The following NFIB variants were observed in gnomAD, a reference collection of about 807,000 sequenced individuals.
NFIB encodes the protein nuclear factor I B.
NFIB carries 11 observed loss-of-function variants against 61.5 expected under a neutral mutation model. That is an observed-to-expected ratio of 0.18 (90% CI 0.11 to 0.30). NFIB has a LOEUF of 0.30. Among genes scored for constraint, NFIB ranks in the 10% least tolerant of loss-of-function variants. The pLI is 1.00. For synonymous variants in NFIB, 260 were observed against 216.5 expected, an observed-to-expected ratio of 1.20 and a Z score of -1.76; for missense variants, 471 against 608.9, an observed-to-expected ratio of 0.77 and a Z score of 2.38.
At chr9:14,290,620 C>A (rs1316241656) in intron 2 of NFIB, among the ~76,000 whole-genome samples, 1 of 152,036 alleles carries the variant, frequency 6.6e-6, no homozygotes, top group African/African-American at 2.4e-5. Context: ...AATACAGACC[C>A]TGTAATTCAC....
At chr9:14,471,958 T>C in the NFIB span, among the ~76,000 whole-genome samples, 8 of 152,252 alleles carry the variant, frequency 5.3e-5, no homozygotes, top group Non-Finnish European at 7.3e-5. Flanking sequence ...CTCCATTCTC[T>C]GCCTCCATCT....
chr9:14,367,526 C>T (rs934363781), intron 1 of NFIB, among the ~76,000 whole-genome samples: 50 of 152,084 alleles, frequency 3.3e-4, no homozygotes, highest in East Asian at 2.1e-3. Flanking sequence ...AACCTGTGTT[C>T]CTCCATGAAT....
At chr9:14,128,230 CA>C (rs2039940063) in intron 6 of NFIB, among the ~76,000 whole-genome samples, 1 of 152,078 alleles carries the variant, frequency 6.6e-6, no homozygotes, top group South Asian at 2.1e-4. Flanking sequence ...AATCACTTGC[CA>C]TTCCAAATTT....
At chr9:14,515,001 G>C in the NFIB span, among the ~76,000 whole-genome samples, 1 of 152,136 alleles carries the variant, frequency 6.6e-6, no homozygotes, top group Non-Finnish European at 1.5e-5. Context: ...CAGAATCTTA[G>C]CTATTAGCTT....
chr9:14,462,670 C>T, the NFIB span, among the ~76,000 whole-genome samples: 2 of 152,078 alleles, frequency 1.3e-5, no homozygotes, highest in South Asian at 2.1e-4. Context: ...ATTCTTATCT[C>T]TGGGTTTTAG....
At chr9:14,216,924 T>A (rs1189043659) in intron 2 of NFIB, among the ~76,000 whole-genome samples, 1 of 152,212 alleles carries the variant, frequency 6.6e-6, no homozygotes, top group Non-Finnish European at 1.5e-5. Flanking sequence ...ACTGAAAACT[T>A]TAAAAGCTAG....
the NFIB span, among the ~76,000 whole-genome samples, chr9:14,477,974 A>G: frequency 1.3e-4 from 20 of 152,006 alleles, no homozygotes; most frequent in African/African-American, 4.3e-4. Context: ...CCCCCATTCT[A>G]TGCCCTGAGG....
chr9:14,359,991 T>C (rs1054271920), intron 1 of NFIB, among the ~76,000 whole-genome samples: 36 of 152,190 alleles, frequency 2.4e-4, no homozygotes, highest in Non-Finnish European at 7.3e-5. Context: ...TAAGCCAAAT[T>C]CCTAACCAAT....
chr9:14,282,086 A>G (rs1588110622), intron 2 of NFIB, among the ~76,000 whole-genome samples: 1 of 152,232 alleles, frequency 6.6e-6, no homozygotes, highest in East Asian at 1.9e-4. Flanking sequence ...AGAATTGCAG[A>G]AATTTGATTC....
intron 2 of NFIB, among the ~76,000 whole-genome samples, chr9:14,263,558 C>G (rs892096382): frequency 4.6e-5 from 7 of 152,176 alleles, no homozygotes; most frequent in African/African-American, 1.7e-4. Flanking sequence ...AAGCCTGGCT[C>G]AAACCCTGTA....
chr9:14,531,702 A>G, the NFIB span, among the ~76,000 whole-genome samples: 1 of 147,736 alleles, frequency 6.8e-6, no homozygotes, highest in Non-Finnish European at 1.5e-5. Flanking sequence ...AAAAAAAAAA[A>G]GGGAACAAAA....
intron 2 of NFIB, among the ~76,000 whole-genome samples, chr9:14,294,404 A>T (rs960630474): frequency 6.6e-6 from 1 of 152,248 alleles, no homozygotes; most frequent in Non-Finnish European, 1.5e-5. Context: ...TCAACTTTAA[A>T]TCATAAGTGT....
chr9:14,212,140 G>C (rs990497847), intron 2 of NFIB, among the ~76,000 whole-genome samples: 1 of 152,180 alleles, frequency 6.6e-6, no homozygotes, highest in Non-Finnish European at 1.5e-5. Flanking sequence ...ATAAATCCCT[G>C]AGAAAGCCTA....
rs774886050 is a variant in NFIB, at chr9:14,307,290, C to T, written c.261G>A (p.Glu87=). The change falls in exon 2 of 11, where the codon GAG becomes GAA. Residue 87 remains glutamate (E), a synonymous_variant. Transcript: ENST00000380953. The surrounding 1 kb of genome is among the most constrained non-coding windows in gnomAD (Gnocchi z 5.3). Reference sequence around the variant, plus strand: ...CGGTGAGCACAAAGTCCTCTCGATACTCCTGGCGAATATCTTTGCGCAGTT... The same window carrying T: ...CGGTGAGCACAAAGTCCTCTCGATATTCCTGGCGAATATCTTTGCGCAGTT... ...LAKLRKDIRQ[E]YREDFVLTVT... 1.2e-6 allele frequency: 2 copies of T among 1,614,074 alleles called. No individual in the cohort carries two copies. The highest frequency in any genetic ancestry group is 1.7e-5 in the Admixed American group (1 of 60,026).
the NFIB span, among the ~76,000 whole-genome samples, chr9:14,474,983 G>C: frequency 6.6e-6 from 1 of 152,206 alleles, no homozygotes; most frequent in Admixed American, 6.5e-5. Flanking sequence ...ACCCACATCA[G>C]TGAGGGTGAT....
chr9:14,358,391 T>C (rs891836055), intron 1 of NFIB, among the ~76,000 whole-genome samples: 3 of 152,166 alleles, frequency 2.0e-5, no homozygotes, highest in Non-Finnish European at 4.4e-5. Flanking sequence ...AAAAGCCAGA[T>C]TTTATGGGCT....
chr9:14,246,972 T>C (rs1361374809), intron 2 of NFIB, among the ~76,000 whole-genome samples: 1 of 151,844 alleles, frequency 6.6e-6, no homozygotes, highest in Non-Finnish European at 1.5e-5. Context: ...CTGATCTCTC[T>C]CTCTCTCTCT....
chr9:14,222,204 A>G (rs1353746212), intron 2 of NFIB, among the ~76,000 whole-genome samples: 1 of 152,162 alleles, frequency 6.6e-6, no homozygotes, highest in African/African-American at 2.4e-5. Context: ...TCAAGAACAC[A>G]GCTTGGAACA....
At chr9:14,204,379 C>T in intron 2 of NFIB, 3 of 1,045,424 alleles carry the variant, frequency 2.9e-6, no homozygotes, top group South Asian at 2.6e-5. Context: ...TTAGACAGGA[C>T]ATCCAGCCCA....
Sources: gnomAD v4.1 joint callset for allele counts (sites outside exome capture counted in the v4.1 genomes callset) on GRCh38, gnomAD v4.1.1 for gene constraint, Gnocchi (gnomAD v3.1) non-coding constraint, MANE v1.5 for transcripts, NCBI Gene and HGNC (gene_info 2026-07-23, HGNC 2026-07-21) for gene names.